VPS13A: variants seen among roughly 807,000 people sequenced by gnomAD.
VPS13A encodes vacuolar protein sorting 13 homolog A.
Under a neutral mutation model 390.9 loss-of-function variants are expected in VPS13A, and 264 were observed. The observed-to-expected ratio is 0.68, with a 90% CI of 0.61 to 0.75. VPS13A has a LOEUF of 0.75. Among genes scored for constraint, VPS13A ranks in the 30% least tolerant of loss-of-function variants. VPS13A has a pLI of 0.00. For synonymous variants in VPS13A, 1,231 were observed against 1,227.1 expected (o/e 1.00, Z -0.07); for missense variants, 3,409 against 3,733.9 (o/e 0.91, Z 2.27).
intron 34 of VPS13A, among the ~76,000 whole-genome samples, chr9:77,307,144 A>T (rs912110210): frequency 1.1e-4 from 16 of 151,966 alleles, no homozygotes; most frequent in Non-Finnish European, 1.8e-4. Context: ...GCCTCAAGTG[A>T]TCTGCCTGCC....
rs376088878 is a variant in VPS13A at position 77,276,160 on chromosome 9, A to G, written c.2763A>G (p.Thr921=). 2.5e-6 allele frequency: 4 copies of G among 1,611,170 alleles called. No homozygotes were observed. The highest frequency in any genetic ancestry group is 2.2e-5 in the East Asian group (1 of 44,718). The change falls in exon 26 of 72, where the codon ACA becomes ACG. Residue 921 remains threonine (T), a synonymous_variant. Coordinates refer to ENST00000360280, the MANE Select transcript of VPS13A (RefSeq NM_033305.3). ...TGGGTGCAGAAATTGAGATTAGAACATACGATTTGAAAGCAAATGCCTTTT... is the reference window on the plus strand; with the variant it reads ...TGGGTGCAGAAATTGAGATTAGAACGTACGATTTGAAAGCAAATGCCTTTT... ...LGLGAEIEIR[T]YDLKANAFLK... is the part of the protein sequence containing the mutation.
At chr9:77,243,158 A>G (rs950299770) in intron 19 of VPS13A, among the ~76,000 whole-genome samples, 4 of 151,944 alleles carry the variant, frequency 2.6e-5, no homozygotes, top group Non-Finnish European at 5.9e-5. Context: ...ATTCTCCTCT[A>G]TTAACATCCT....
intron 31 of VPS13A, among the ~76,000 whole-genome samples, chr9:77,288,753 A>G (rs1465691299): frequency 2.6e-5 from 4 of 152,162 alleles, no homozygotes; most frequent in African/African-American, 9.7e-5. Context: ...TGAATGTTCC[A>G]TTTGGGCAAG....
At chr9:77,266,719 T>A (rs963743887) in intron 23 of VPS13A, among the ~76,000 whole-genome samples, 1 of 152,104 alleles carries the variant, frequency 6.6e-6, no homozygotes, top group Non-Finnish European at 1.5e-5. Context: ...TCTTGCTAGG[T>A]TGGGGAAGTT....
rs12683505 is a variant in VPS13A at position 77,360,716 on chromosome 9, A to T, written c.8211+75A>T. 24 of 1,157,376 alleles carry T rather than the reference A, an allele frequency of 2.1e-5. No homozygotes were observed. In the East Asian group the frequency reaches 5.7e-4, roughly 28 times the overall value. 71.7% of individuals were successfully genotyped at this position (1,157,376 alleles called of 1,614,324 possible). On this transcript the variant is annotated intron_variant, in intron 59 of 71. Transcript: ENST00000360280. ...TTATTATAAATTTTTAAAGGTATTAAAATGACTTTGTTGCATTTTAAAAAT... is the reference window on the plus strand; with the variant it reads ...TTATTATAAATTTTTAAAGGTATTATAATGACTTTGTTGCATTTTAAAAAT...
chr9:77,249,947 C>A, intron 20 of VPS13A, 150 bp from the exon 21 acceptor site: 1 of 769,802 alleles, frequency 1.3e-6, no homozygotes, highest in Non-Finnish European at 2.0e-6. Context: ...TATATCTCAT[C>A]GATGAGGACC....
At chr9:77,411,402 G>A (rs1165166572) in intron 71 of VPS13A, among the ~76,000 whole-genome samples, 4 of 152,184 alleles carry the variant, frequency 2.6e-5, no homozygotes, top group African/African-American at 4.8e-5. Context: ...AGTGGCTCAC[G>A]CCTGTAATCC....
chr9:77,377,920 T>C (rs1303896117), intron 67 of VPS13A, among the ~76,000 whole-genome samples: 1 of 152,220 alleles, frequency 6.6e-6, no homozygotes, highest in Non-Finnish European at 1.5e-5. Context: ...ATAATTAAGT[T>C]GATAGTTGGT....
chr9:77,290,687 A>G (rs773691451), intron 31 of VPS13A, among the ~76,000 whole-genome samples: 1 of 152,102 alleles, frequency 6.6e-6, no homozygotes, highest in Non-Finnish European at 1.5e-5. Context: ...TTTCAAATCT[A>G]CTGATTTTGT....
intron 22 of VPS13A, among the ~76,000 whole-genome samples, chr9:77,258,362 T>C (rs937914793): frequency 1.3e-5 from 2 of 152,188 alleles, no homozygotes; most frequent in African/African-American, 2.4e-5. Flanking sequence ...CCTTTTCCTA[T>C]ATGGTACATG....
chr9:77,283,743 TTAGTAG>T (rs996888382), intron 31 of VPS13A, 93 bp downstream of exon 31: 1 of 1,066,192 alleles, frequency 9.4e-7, no homozygotes, highest in Admixed American at 2.1e-5. Context: ...TTGTCAGAAT[TTAGTAG>T]TATGGCTTAT....
chr9:77,317,620 T>G lies in VPS13A; in HGVS notation c.4878T>G (p.Cys1626Trp). The change falls in exon 40 of 72, where the codon TGT becomes TGG. Residue 1626 changes from cysteine (C) to tryptophan (W), a missense_variant. Cys to Trp is a radical substitution (Grantham distance 215). Around this residue, in one of 5 missense-constraint regions of VPS13A, gnomAD observed 2,717 missense variants for 2,917.4 expected, o/e 0.93. Coordinates refer to ENST00000360280, the MANE Select transcript of VPS13A (RefSeq NM_033305.3). ...TTCTCTCATAGGTTTTGCAGCCCTG[T>G]GACTTGTTTTATCAAACTACTCAGA... ...KGKITTVLQP[C>W]DLFYQTTQKG... is the part of the protein sequence containing the mutation. 1 of 1,601,492 alleles carries G rather than the reference T, an allele frequency of 6.2e-7. No homozygotes were observed. Among genetic ancestry groups the G allele is most frequent in the Admixed American group, 1.7e-5 (1 of 59,550 alleles).
At chr9:77,202,004 A>T (rs947943606) in intron 3 of VPS13A, among the ~76,000 whole-genome samples, 1 of 152,124 alleles carries the variant, frequency 6.6e-6, no homozygotes, top group Non-Finnish European at 1.5e-5. Flanking sequence ...TGGTTTAAAT[A>T]TTGTGCAAGA....
chr9:77,385,774 G>A (rs1833657356), intron 68 of VPS13A, among the ~76,000 whole-genome samples: 1 of 152,098 alleles, frequency 6.6e-6, no homozygotes, highest in South Asian at 2.1e-4. Context: ...TAAGCAACAG[G>A]TGATTTAATT....
chr9:77,340,440 A>G lies in VPS13A; in HGVS notation c.6916A>G (p.Thr2306Ala). 1 of 1,613,508 alleles carries G rather than the reference A, an allele frequency of 6.2e-7. No individual in the cohort carries two copies. The highest frequency in any genetic ancestry group is 8.5e-7 in the Non-Finnish European group (1 of 1,179,664). The change falls in exon 50 of 72, where the codon ACT becomes GCT. Residue 2306 changes from threonine to alanine, a missense_variant. By Grantham distance (58) the Thr-to-Ala change is moderately conservative (BLOSUM62 0). Coordinates refer to ENST00000360280, the MANE Select transcript of VPS13A (RefSeq NM_033305.3). Reference sequence around the variant, plus strand: ...TATAGACCTGAGCAGTTTTAACATTACTAGAATTGTGACATTTACCCCTTT... The same window carrying G: ...TATAGACCTGAGCAGTTTTAACATTGCTAGAATTGTGACATTTACCCCTTT... ...VTIDLSSFNI[T>A]RIVTFTPFYM...
chr9:77,374,341 C>T (rs1052614289), intron 67 of VPS13A, among the ~76,000 whole-genome samples: 3 of 152,102 alleles, frequency 2.0e-5, no homozygotes, highest in Non-Finnish European at 4.4e-5. Flanking sequence ...TAACAATATA[C>T]TGTAATGAAA....
chr9:77,180,773 C>T (rs1402776956), intron 1 of VPS13A, among the ~76,000 whole-genome samples: 1 of 152,140 alleles, frequency 6.6e-6, no homozygotes, highest in Non-Finnish European at 1.5e-5. Flanking sequence ...CTGTCTCAAT[C>T]TGTGTGTCTA....
chr9:77,336,588 GA>G (rs902866979), intron 46 of VPS13A, among the ~76,000 whole-genome samples: 1 of 151,556 alleles, frequency 6.6e-6, no homozygotes, highest in African/African-American at 2.4e-5. Flanking sequence ...CATGTATCCA[GA>G]AAAGCCAAAT....
chr9:77,404,775 C>G (rs750236099), intron 69 of VPS13A, among the ~76,000 whole-genome samples: 1 of 152,136 alleles, frequency 6.6e-6, no homozygotes, highest in Non-Finnish European at 1.5e-5. Context: ...GATAAAGGAT[C>G]TTTGAATCAG....
Sources: allele counts gnomAD v4.1 joint callset (sites outside exome capture counted in the v4.1 genomes callset), GRCh38; gene constraint gnomAD v4.1.1; regional missense constraint gnomAD v4.1.1; transcripts MANE v1.5; gene names NCBI Gene and HGNC (gene_info 2026-07-23, HGNC 2026-07-21).